Variants in LRRC40 observed in about 807,000 individuals in gnomAD.
LRRC40 encodes the protein leucine rich repeat containing 40, also known as leucine-rich repeat-containing protein 40.
A neutral mutation model predicts 72.8 loss-of-function variants in LRRC40; 76 were observed. That is an observed-to-expected ratio of 1.04 (90% CI 0.87 to 1.26). The LOEUF (loss-of-function observed/expected upper bound fraction) is 1.26. Among genes scored for constraint, LRRC40 ranks in the 50% most tolerant of loss-of-function variants. LRRC40 has a pLI of 0.00. For synonymous variants in LRRC40, 243 were observed against 254.2 expected, an observed-to-expected ratio of 0.96 and a Z score of 0.42; for missense variants, 684 against 698.9, an observed-to-expected ratio of 0.98 and a Z score of 0.24.
At chr1:70,163,055 T>TG (rs1667798055) in intron 9 of LRRC40, among the ~76,000 whole-genome samples, 1 of 151,862 alleles carries the variant, frequency 6.6e-6, no homozygotes, top group Non-Finnish European at 1.5e-5. Context: ...ATGGCAAGTC[T>TG]GTATTCCTTT....
At chr1:70,147,167 T>C (rs376414163) in intron 14 of LRRC40, 1 of 152,136 alleles carries the variant, frequency 6.6e-6, no homozygotes, top group Non-Finnish European at 1.5e-5. Context: ...GAGCAAAAAA[T>C]TGGAGTCACC....
At chr1:70,192,865 G>A (rs745332470) in intron 1 of LRRC40, among the ~76,000 whole-genome samples, 1 of 152,004 alleles carries the variant, frequency 6.6e-6, no homozygotes, top group Non-Finnish European at 1.5e-5. Flanking sequence ...TAATGGGTAT[G>A]AGGCTTAGTA....
chr1:70,181,234 A>ATTT (rs748261612), intron 4 of LRRC40, 25 bp from the exon 5 acceptor site: 3 of 1,411,178 alleles, frequency 2.1e-6, no homozygotes, highest in Admixed American at 2.5e-5. Flanking sequence ...AGACAAAATA[A>ATTT]ATGAATAAAC....
rs560920298 is a variant in LRRC40 at position 70,163,495 on chromosome 1, A to C, written c.1112-4057T>G. ...TCCTCCTCCAAGTTAAGCCAGCAAC[A>C]GTGGTTCTTCTCACATCCTATTACG... On this transcript the variant is annotated intron_variant, in intron 9 of 14. Transcript: ENST00000370952. Among the ~76,000 whole-genome samples the C allele has an allele frequency of 2.6e-5, 4 of 152,238 alleles. No homozygotes were observed. The East Asian group carries it at 7.7e-4, about 29-fold the overall frequency.
chr1:70,191,184 A>T (rs1206411607), intron 1 of LRRC40, among the ~76,000 whole-genome samples: 2 of 152,158 alleles, frequency 1.3e-5, no homozygotes, highest in Non-Finnish European at 2.9e-5. Flanking sequence ...CTCCAGATTT[A>T]AAAAGGCAAG....
intron 11 of LRRC40, 84 bp from the exon 12 acceptor site, chr1:70,152,627 T>A (rs1240034834): frequency 1.4e-6 from 1 of 726,528 alleles, no homozygotes; most frequent in African/African-American, 1.8e-5. Flanking sequence ...AGGGGGAAAT[T>A]CCTATATTTA....
chr1:70,159,472 T>G (rs748896175), intron 9 of LRRC40, 34 bp from the exon 10 acceptor site: 2 of 896,406 alleles, frequency 2.2e-6, no homozygotes, highest in Non-Finnish European at 3.6e-6. Context: ...AGCCAATATT[T>G]ATACTACAAA....
chr1:70,157,689 A>G (rs1667669975), intron 10 of LRRC40, among the ~76,000 whole-genome samples: 2 of 152,210 alleles, frequency 1.3e-5, no homozygotes, highest in African/African-American at 4.8e-5. Context: ...AAAAAAGCCT[A>G]AGGCAGGAAT....
At chr1:70,190,726 CTATCTACATTCATACTAAAATAAAT>C (rs1668481886) in intron 1 of LRRC40, among the ~76,000 whole-genome samples, 1 of 113,966 alleles carries the variant, frequency 8.8e-6, no homozygotes, top group Admixed American at 8.0e-5. Flanking sequence ...AAAAACTGAG[CTATCTACATTCATACTAAAATAAAT>C]TATAAGGTCC....
At chr1:70,161,360 A>G (rs2100256689) in intron 9 of LRRC40, among the ~76,000 whole-genome samples, 1 of 151,908 alleles carries the variant, frequency 6.6e-6, no homozygotes, top group South Asian at 2.1e-4. Flanking sequence ...CTGGGATTAC[A>G]GGCGTGAGCC....
At chr1:70,160,145 G>A (rs1323629665) in intron 9 of LRRC40, among the ~76,000 whole-genome samples, 2 of 152,028 alleles carry the variant, frequency 1.3e-5, no homozygotes, top group Non-Finnish European at 2.9e-5. Flanking sequence ...AGACTTGAAC[G>A]ATAGAGAAGT....
chr1:70,170,597 C>T (rs568788175), intron 9 of LRRC40, among the ~76,000 whole-genome samples: 7 of 151,758 alleles, frequency 4.6e-5, no homozygotes, highest in Non-Finnish European at 8.8e-5. Context: ...AAGAACAGCA[C>T]AAAAATGGAA....
chr1:70,185,584 A>G (rs961317262), intron 3 of LRRC40, among the ~76,000 whole-genome samples: 1 of 152,232 alleles, frequency 6.6e-6, no homozygotes, highest in African/African-American at 2.4e-5. Flanking sequence ...CTTTATCAGC[A>G]GCATGAAAAC....
chr1:70,159,521 T>G (rs1193081315), intron 9 of LRRC40, 83 bp from the exon 10 acceptor site: 1 of 565,182 alleles, frequency 1.8e-6, no homozygotes, highest in Non-Finnish European at 3.2e-6. Flanking sequence ...TAAAACAGTG[T>G]ACGTGATTTC....
intron 1 of LRRC40, among the ~76,000 whole-genome samples, chr1:70,202,269 G>T (rs995301530): frequency 7.9e-5 from 12 of 151,886 alleles, no homozygotes; most frequent in East Asian, 1.9e-4. Context: ...ATTCATAACT[G>T]CCAAAAACTG....
At chr1:70,196,444 G>A (rs1179639854) in intron 1 of LRRC40, among the ~76,000 whole-genome samples, 1 of 151,942 alleles carries the variant, frequency 6.6e-6, no homozygotes, top group Non-Finnish European at 1.5e-5. Context: ...CAGATACTTG[G>A]GAAACTGAAG....
At chr1:70,164,712 T>TA (rs2100265207) in intron 9 of LRRC40, among the ~76,000 whole-genome samples, 1 of 152,322 alleles carries the variant, frequency 6.6e-6, no homozygotes, top group Non-Finnish European at 1.5e-5. Flanking sequence ...GTCTTTTTTT[T>TA]AAATCTAAAA....
chr1:70,168,313 T>G (rs1449783623), intron 9 of LRRC40, among the ~76,000 whole-genome samples: 1 of 152,180 alleles, frequency 6.6e-6, no homozygotes, highest in Admixed American at 6.5e-5. Context: ...GGGCCCTGAC[T>G]GCTCTTCCCC....
At chr1:70,176,325 G>C (rs756714552) in intron 6 of LRRC40, among the ~76,000 whole-genome samples, 1 of 152,026 alleles carries the variant, frequency 6.6e-6, no homozygotes, top group East Asian at 1.9e-4. Context: ...AAGTTCAGGA[G>C]TTTGAGACCA....
Sources: gnomAD v4.1 joint callset for allele counts (sites outside exome capture counted in the v4.1 genomes callset) on GRCh38, gnomAD v4.1.1 for gene constraint, MANE v1.5 for transcripts, NCBI Gene and HGNC (gene_info 2026-07-23, HGNC 2026-07-21) for gene names.